The following ULK1 variants were observed in gnomAD, a reference collection of about 807,000 sequenced individuals.
ULK1 encodes serine/threonine-protein kinase ULK1.
In ULK1, 48 loss-of-function variants were observed where a neutral mutation model predicts 117.5. The ratio of observed to expected loss-of-function variants is 0.41; its 90% CI spans 0.32 to 0.52. The LOEUF is 0.52. Ranked by LOEUF, ULK1 falls within the 20% of genes least tolerant of loss-of-function variation. The pLI is 0.29. For missense variants in ULK1, 1,387 were observed against 1,473.4 expected, an observed-to-expected ratio of 0.94 and a Z score of 0.96; for synonymous variants, 790 against 637.8, an observed-to-expected ratio of 1.24 and a Z score of -3.60.
chr12:131,897,271 C>G (rs1410944492), intron 3 of ULK1: 1 of 152,158 alleles, frequency 6.6e-6, no homozygotes, highest in Non-Finnish European at 1.5e-5. Flanking sequence ...GCACCCAAAC[C>G]CAGGAAAAAA....
rs901945850 is a variant in ULK1, at chr12:131,922,305, G to C, written c.*944G>C. ...GAGGCTGCTTTGCACACCTGTGTTG[G>C]TGGCTGTCCCCTGCCGCCCCTCCCT... On this transcript the variant is annotated 3_prime_UTR_variant, in exon 28 of 28. Transcript: ENST00000321867. 4.5e-5 allele frequency: 15 copies of C among 333,272 alleles called. No individual in the cohort carries two copies. In the Admixed American group the frequency reaches 6.3e-4, roughly 14 times the overall value. 20.6% of individuals were successfully genotyped at this position (333,272 alleles called of 1,614,324 possible).
chr12:131,917,598 G>C, intron 22 of ULK1, 44 bp downstream of exon 22: 1 of 1,346,738 alleles, frequency 7.4e-7, no homozygotes, highest in South Asian at 2.2e-5. Flanking sequence ...TTGGGGTGGT[G>C]GCAGCGCCCT....
At chr12:131,912,268 C>G (rs1051626865) in intron 13 of ULK1, among the ~76,000 whole-genome samples, 179 bp downstream of exon 13, 1 of 152,218 alleles carries the variant, frequency 6.6e-6, no homozygotes, top group Non-Finnish European at 1.5e-5. Context: ...AAAACCACTC[C>G]TGGAATCAAA....
rs751934705 is a variant in ULK1, at chr12:131,918,636, T to G, written c.2466T>G (p.Ala822=). Residue 822 remains alanine (A), a synonymous_variant, in exon 23 of 28, where the codon GCT becomes GCG. Transcript: ENST00000321867. ...CCATTACTGCGAACCTGGAGGGGGCTGTGACCTTCGAGGCCCCCGACCTCC... is the reference window on the plus strand; with the variant it reads ...CCATTACTGCGAACCTGGAGGGGGCGGTGACCTTCGAGGCCCCCGACCTCC... The part of the protein sequence containing the change: ...ADPITANLEG[A]VTFEAPDLPE... The G allele has an allele frequency of 1.9e-6, 3 of 1,609,274 alleles. No homozygotes were observed. In the South Asian group the frequency reaches 3.3e-5, roughly 18 times the overall value.
intron 1 of ULK1, 86 bp downstream of exon 1, chr12:131,895,198 AC>A (rs981013077): frequency 8.4e-5 from 60 of 710,290 alleles, no homozygotes; most frequent in Admixed American, 7.4e-4. Flanking sequence ...CTGTCCCGGG[AC>A]CCCCCCACGC....
chr12:131,918,472 G>GC, intron 22 of ULK1, 25 bp from the exon 23 acceptor site: 2 of 1,601,022 alleles, frequency 1.2e-6, no homozygotes, highest in Non-Finnish European at 1.7e-6. Context: ...GTCCTGGTGT[G>GC]CCCCTCATCG....
chr12:131,895,585 C>T lies in ULK1; in HGVS notation c.112-16C>T. 10 of 1,612,030 alleles carry T rather than the reference C, an allele frequency of 6.2e-6. No homozygotes were observed. Among genetic ancestry groups the T allele is most frequent in the Non-Finnish European group, 8.5e-6 (10 of 1,178,658 alleles). The stretch of plus-strand genomic sequence containing the variant: ...AGGGGCAGCCCTGGCCTTGAAGGTG[C>T]ACGTTTGGCTTTCAGAAGCACGATT... On this transcript the variant is annotated splice_polypyrimidine_tract_variant and intron_variant, in intron 1 of 27. Coordinates refer to ENST00000321867, the MANE Select transcript of ULK1 (RefSeq NM_003565.4).
intron 3 of ULK1, among the ~76,000 whole-genome samples, chr12:131,898,711 A>G (rs1447582278): frequency 6.6e-6 from 1 of 151,410 alleles, no homozygotes; most frequent in African/African-American, 2.4e-5. Flanking sequence ...CATGTTGGCC[A>G]GCCTGGTCTC....
At position 131,920,272 on chromosome 12, in the gene ULK1, G is replaced by C. The variant is rs192371050; in HGVS notation, c.2961+136G>C. On this transcript the variant is annotated intron_variant, in intron 26 of 27. Coordinates refer to ENST00000321867, the MANE Select transcript of ULK1 (RefSeq NM_003565.4). ...CACTTCTGGAGGTCTTGAAATGACA[G>C]CATTATGCACCCCCAGCCTCCTGCA... The C allele has an allele frequency of 1.1e-3, 1,303 of 1,188,338 alleles. 1 individual carries two copies. The highest frequency in any genetic ancestry group is 3.3e-3 in the Admixed American group (125 of 38,150). The allele number at this position is 1,188,338 out of a possible 1,614,324, so 73.6% of individuals were successfully genotyped here. A position where few individuals can be genotyped will look rare whatever the true frequency, so the allele number is the denominator to read the frequency against.
chr12:131,918,620 C>A lies in ULK1; in HGVS notation c.2450C>A (p.Ala817Glu), dbSNP rs1267399543. The change falls in exon 23 of 28, where the codon GCG becomes GAG. Residue 817 changes from alanine (A) to glutamate (E), a missense_variant. Transcript: ENST00000321867. ...TGCAGCTTTGCCGACCCCATTACTG[C>A]GAACCTGGAGGGGGCTGTGACCTTC... ...HGCSFADPIT[A>E]NLEGAVTFEA... 7 of 1,610,026 alleles carry A rather than the reference C, an allele frequency of 4.3e-6. No homozygotes were observed. The highest frequency in any genetic ancestry group is 4.0e-5 in the African/African-American group (3 of 74,836).
At position 131,909,202 on chromosome 12, in the gene ULK1, G is replaced by C. The variant is rs748566843; in HGVS notation, c.631G>C (p.Val211Leu). 4 of 1,609,140 alleles carry C rather than the reference G, an allele frequency of 2.5e-6. No homozygotes were observed. Among genetic ancestry groups the C allele is most frequent in the Non-Finnish European group, 3.4e-6 (4 of 1,178,298 alleles). The change falls in exon 8 of 28, where the codon GTC becomes CTC. Residue 211 changes from valine to leucine, a missense_variant. Coordinates refer to ENST00000321867, the MANE Select transcript of ULK1 (RefSeq NM_003565.4). ...GGACCTGTGGAGCATCGGCACCATC[G>C]TCTACCAGTGCCTGACGGGGAAGGC... The part of the protein sequence containing the change: ...KADLWSIGTI[V>L]YQCLTGKAPF...
chr12:131,911,458 C>T (rs1288002881), intron 12 of ULK1, among the ~76,000 whole-genome samples: 1 of 152,206 alleles, frequency 6.6e-6, no homozygotes, highest in Non-Finnish European at 1.5e-5. Flanking sequence ...GCAGACCTGC[C>T]CTGGGGCACT....
rs1347425410 is a variant in ULK1 at position 131,908,741 on chromosome 12, C to T, written c.414C>T (p.Asp138=). Reference sequence around the variant, plus strand: ...ACAGCAAAGGCATCATCCACCGCGACCTGAAACCGCAGAACATCCTGCTGT... The same window carrying T: ...ACAGCAAAGGCATCATCCACCGCGATCTGAAACCGCAGAACATCCTGCTGT... ...LLHSKGIIHR[D]LKPQNILLSN... is the part of the protein sequence containing the mutation. The change falls in exon 6 of 28, where the codon GAC becomes GAT. Residue 138 remains aspartate, a synonymous_variant. Coordinates refer to ENST00000321867, the MANE Select transcript of ULK1 (RefSeq NM_003565.4). 1.2e-6 allele frequency: 2 copies of T among 1,608,940 alleles called. No homozygotes were observed. The highest frequency in any genetic ancestry group is 1.7e-6 in the Non-Finnish European group (2 of 1,178,738).
At position 131,895,667 on chromosome 12, in the gene ULK1, C is replaced by T. The variant is rs1393515150; in HGVS notation, c.178C>T (p.Leu60=). 1 of 1,614,006 alleles carries T rather than the reference C, an allele frequency of 6.2e-7. No homozygotes were observed. Among genetic ancestry groups the T allele is most frequent in the African/African-American group, 1.3e-5 (1 of 74,920 alleles). The stretch of plus-strand genomic sequence containing the variant: ...GAACCTCGCCAAGTCTCAGACGCTG[C>T]TGGGGAAGGAAATCAAAATCCTGAA... ...KKNLAKSQTL[L]GKEIKILKEL... is the part of the protein sequence containing the mutation. Residue 60 remains leucine (L), a synonymous_variant, in exon 2 of 28, where the codon CTG becomes TTG. Transcript: ENST00000321867.
chr12:131,919,747 C>A, intron 25 of ULK1, 157 bp downstream of exon 25: 1 of 1,051,934 alleles, frequency 9.5e-7, no homozygotes, highest in Non-Finnish European at 1.4e-6. Context: ...AGCACAGAGG[C>A]CATTGGGTCG....
In ULK1 at chr12:131,910,423, C is replaced by G. The variant is rs921249490; in HGVS notation, c.859+119C>G. 11 of 1,478,156 alleles carry G rather than the reference C, an allele frequency of 7.4e-6. 1 individual carries two copies. In the Middle Eastern group the frequency reaches 5.2e-4, roughly 70 times the overall value. 91.6% of individuals were successfully genotyped at this position (1,478,156 alleles called of 1,614,324 possible). A position where few individuals can be genotyped will look rare whatever the true frequency, so the allele number is the denominator to read the frequency against. Reference sequence around the variant, plus strand: ...AGCAGGTCTTGAGCTGCGGCCAGCTCCCAGGGAGGGCAGGACACCCGGCTC... The same window carrying G: ...AGCAGGTCTTGAGCTGCGGCCAGCTGCCAGGGAGGGCAGGACACCCGGCTC... On this transcript the variant is annotated intron_variant, in intron 11 of 27. Coordinates refer to ENST00000321867, the MANE Select transcript of ULK1 (RefSeq NM_003565.4).
chr12:131,895,175 C>G, intron 1 of ULK1, 63 bp downstream of exon 1: 1 of 1,236,244 alleles, frequency 8.1e-7, no homozygotes, highest in Non-Finnish European at 1.1e-6. Context: ...ATCCCCGCCC[C>G]GAGATTCCCC....
rs925292702 is a variant in ULK1 at position 131,915,119 on chromosome 12, C to T, written c.1410C>T (p.Pro470=). The change falls in exon 17 of 28, where the codon CCC becomes CCT. Residue 470 remains proline (P), a synonymous_variant. Transcript: ENST00000321867. ...SAIRRSGSTS[P]LGFARASPSP... is the part of the protein sequence containing the mutation. ...TCCGCAGGTCAGGCAGCACCAGCCC[C>T]CTGGGCTTTGCAAGGGCCAGCCCCT... is the stretch of plus-strand genomic sequence containing the variant. 1.3e-6 allele frequency: 2 copies of T among 1,590,474 alleles called. No homozygotes were observed. Among genetic ancestry groups the T allele is most frequent in the African/African-American group, 2.7e-5 (2 of 74,158 alleles).
In ULK1 at chr12:131,913,263, G is replaced by A; in HGVS notation, c.1157+5G>A. ...AGACAGCCTGATGTGCAGTGGGTGA[G>A]CCCCCATCCCTTACCTCTGTATTTT... On this transcript the variant is annotated splice_donor_5th_base_variant and intron_variant, in intron 14 of 27. Coordinates refer to ENST00000321867, the MANE Select transcript of ULK1 (RefSeq NM_003565.4). 1 of 1,569,812 alleles carries A rather than the reference G, an allele frequency of 6.4e-7. No homozygotes were observed. Among genetic ancestry groups the A allele is most frequent in the Non-Finnish European group, 8.6e-7 (1 of 1,160,874 alleles).
Sources: gnomAD v4.1 joint callset for allele counts (sites outside exome capture counted in the v4.1 genomes callset) on GRCh38, gnomAD v4.1.1 for gene constraint, MANE v1.5 for transcripts, NCBI Gene and HGNC (gene_info 2026-07-23, HGNC 2026-07-21) for gene names.